SLC25A13: variants seen among roughly 807,000 people sequenced by gnomAD.
The protein encoded by SLC25A13 is solute carrier family 25 member 13.
Under a neutral mutation model 85.5 loss-of-function variants are expected in SLC25A13, and 70 were observed. The ratio of observed to expected loss-of-function variants is 0.82; its 90% CI spans 0.68 to 1.00. SLC25A13 has a LOEUF of 1.00. Among genes scored for constraint, SLC25A13 ranks in the 50% least tolerant of loss-of-function variants. SLC25A13 has a pLI of 0.00. For synonymous variants in SLC25A13, 259 were observed against 288.7 expected (o/e 0.90, Z 1.04); for missense variants, 765 against 819.8 (o/e 0.93, Z 0.82).
At chr7:96,295,606 C>T (rs978078630) in intron 2 of SLC25A13, among the ~76,000 whole-genome samples, 2 of 152,086 alleles carry the variant, frequency 1.3e-5, no homozygotes, top group African/African-American at 4.8e-5. Flanking sequence ...GCCTAAACAT[C>T]GATTAATACC....
intron 11 of SLC25A13, among the ~76,000 whole-genome samples, chr7:96,182,405 A>T (rs1432404679): frequency 6.6e-6 from 1 of 152,240 alleles, no homozygotes; most frequent in African/African-American, 2.4e-5. Context: ...ATCCTGACAG[A>T]CAGCTCTGTC....
At chr7:96,163,876 C>T (rs1214530779) in intron 13 of SLC25A13, among the ~76,000 whole-genome samples, 1 of 152,034 alleles carries the variant, frequency 6.6e-6, no homozygotes, top group Non-Finnish European at 1.5e-5. Flanking sequence ...CTAAAACATT[C>T]ATTTTCACAA....
intron 13 of SLC25A13, among the ~76,000 whole-genome samples, chr7:96,154,965 G>T (rs1793203193): frequency 6.6e-6 from 1 of 151,794 alleles, no homozygotes; most frequent in Admixed American, 6.6e-5. Flanking sequence ...TACCTGGCTA[G>T]TTTTTTTGTA....
intron 15 of SLC25A13, among the ~76,000 whole-genome samples, chr7:96,123,842 C>T (rs946808927): frequency 5.9e-5 from 9 of 152,256 alleles, no homozygotes; most frequent in African/African-American, 2.2e-4. Flanking sequence ...ATTTTGGGGG[C>T]CAGGGTTGGC....
Position 96,276,492 on chromosome 7 carries a change from G to A in SLC25A13, c.212+704C>T, listed in dbSNP as rs56272877. 7.3e-3 allele frequency among the ~76,000 whole-genome samples: 1,108 copies of A among 152,176 alleles called. 8 individuals carry two copies. Among genetic ancestry groups the A allele is most frequent in the Non-Finnish European group, 0.011 (735 of 68,018 alleles). On this transcript the variant is annotated intron_variant, in intron 3 of 17. Coordinates refer to ENST00000265631, the MANE Select transcript of SLC25A13 (RefSeq NM_014251.3). Reference sequence around the variant, plus strand: ...ACAAAAATTAGCTGGGCATGGTGGCGCACGGCTTTGATACCAGCTACTCAG... The same window carrying A: ...ACAAAAATTAGCTGGGCATGGTGGCACACGGCTTTGATACCAGCTACTCAG...
intron 3 of SLC25A13, among the ~76,000 whole-genome samples, chr7:96,261,318 T>C (rs1797845009): frequency 6.6e-6 from 1 of 152,208 alleles, no homozygotes; most frequent in Non-Finnish European, 1.5e-5. Context: ...GAACAGTGCC[T>C]GGCACATAGT....
chr7:96,239,755 T>A (rs762601612), intron 3 of SLC25A13, among the ~76,000 whole-genome samples: 1 of 152,218 alleles, frequency 6.6e-6, no homozygotes, highest in Non-Finnish European at 1.5e-5. Flanking sequence ...CTCTATTTCA[T>A]GGTTCTGATG....
At chr7:96,202,592 C>T (rs1795300796) in intron 5 of SLC25A13, among the ~76,000 whole-genome samples, 1 of 152,062 alleles carries the variant, frequency 6.6e-6, no homozygotes, top group South Asian at 2.1e-4. Flanking sequence ...AGCTGGATGA[C>T]CCCTGGAAAC....
At chr7:96,255,260 G>T (rs931790693) in intron 3 of SLC25A13, among the ~76,000 whole-genome samples, 1 of 152,156 alleles carries the variant, frequency 6.6e-6, no homozygotes, top group Non-Finnish European at 1.5e-5. Context: ...AATGTTGCTG[G>T]TAACCAGGAT....
At chr7:96,292,627 C>T (rs1479467250) in intron 2 of SLC25A13, among the ~76,000 whole-genome samples, 1 of 152,156 alleles carries the variant, frequency 6.6e-6, no homozygotes, top group East Asian at 1.9e-4. Context: ...CATTCTTATA[C>T]ACCAATAACA....
At chr7:96,194,728 T>C (rs1794997457) in intron 5 of SLC25A13, among the ~76,000 whole-genome samples, 1 of 152,166 alleles carries the variant, frequency 6.6e-6, no homozygotes, top group Non-Finnish European at 1.5e-5. Context: ...AATACAGTAT[T>C]TGCAATAACG....
chr7:96,233,590 T>C (rs551122936), intron 4 of SLC25A13, among the ~76,000 whole-genome samples: 108 of 152,100 alleles, frequency 7.1e-4, no homozygotes, highest in African/African-American at 2.4e-3. Context: ...GCGAAGGGGG[T>C]TGGCACAATA....
intron 3 of SLC25A13, among the ~76,000 whole-genome samples, chr7:96,273,503 G>A (rs1329821263): frequency 6.6e-6 from 1 of 152,142 alleles, no homozygotes; most frequent in Non-Finnish European, 1.5e-5. Flanking sequence ...GGTTATGTAG[G>A]AGAATGTTCT....
intron 4 of SLC25A13, among the ~76,000 whole-genome samples, chr7:96,229,380 G>A (rs1466313244): frequency 7.9e-5 from 12 of 152,110 alleles, no homozygotes; most frequent in Admixed American, 7.9e-4. Context: ...GGACCAATCA[G>A]CTCTCTGTAA....
intron 2 of SLC25A13, 27 bp from the exon 3 acceptor site, chr7:96,277,365 T>G: frequency 6.3e-7 from 1 of 1,588,092 alleles, no homozygotes; most frequent in Non-Finnish European, 8.6e-7. Flanking sequence ...AAAACAGTAT[T>G]TTATATATTT....
intron 12 of SLC25A13, 59 bp downstream of exon 12, chr7:96,171,413 C>T: frequency 1.4e-6 from 2 of 1,471,114 alleles, no homozygotes; most frequent in Non-Finnish European, 1.9e-6. Context: ...AGAATACCTG[C>T]TAGATTCTTG....
intron 13 of SLC25A13, among the ~76,000 whole-genome samples, chr7:96,152,998 C>T (rs879096223): frequency 6.6e-6 from 1 of 152,124 alleles, no homozygotes; most frequent in Admixed American, 6.5e-5. Flanking sequence ...AATGACAATT[C>T]ATTTAGGGTA....
intron 6 of SLC25A13, among the ~76,000 whole-genome samples, chr7:96,192,371 G>A (rs1187906212): frequency 1.3e-5 from 2 of 152,100 alleles, no homozygotes; most frequent in Non-Finnish European, 2.9e-5. Context: ...AGACCTCATC[G>A]CCTATAGATG....
intron 11 of SLC25A13, among the ~76,000 whole-genome samples, chr7:96,178,418 G>A (rs1051058666): frequency 2.0e-5 from 3 of 152,176 alleles, no homozygotes; most frequent in African/African-American, 7.2e-5. Context: ...AGACAGCTGA[G>A]AGCATCTAAT....
Sources: gnomAD v4.1 joint callset for allele counts (sites outside exome capture counted in the v4.1 genomes callset) on GRCh38, gnomAD v4.1.1 for gene constraint, MANE v1.5 for transcripts, NCBI Gene and HGNC (gene_info 2026-07-23, HGNC 2026-07-21) for gene names.